Variants in NXN observed in about 807,000 individuals in gnomAD.
NXN encodes the protein nucleoredoxin, also known as nucleoredoxin 1.
NXN carries 16 observed loss-of-function variants against 48.6 expected under a neutral mutation model. That is an observed-to-expected ratio of 0.33 (90% CI 0.22 to 0.50). The LOEUF (loss-of-function observed/expected upper bound fraction) is 0.50, where lower values mean the gene tolerates loss of function less well. Ranked by LOEUF, NXN falls within the 20% of genes least tolerant of loss-of-function variation. NXN has a pLI of 0.98. For missense variants in NXN, 492 were observed against 605.5 expected (o/e 0.81, Z 1.97); for synonymous variants, 281 against 269.6 (o/e 1.04, Z -0.41).
intron 1 of NXN, among the ~76,000 whole-genome samples, chr17:948,512 G>C (rs1246980816): frequency 6.6e-6 from 1 of 152,080 alleles, no homozygotes; most frequent in Non-Finnish European, 1.5e-5. Flanking sequence ...GGCACTGAGG[G>C]ACGGCTGTGG....
Position 974,332 on chromosome 17 carries a change from C to A in NXN, c.360+4987G>T, listed in dbSNP as rs991690965. ...CACCACTGCACTCCAGCCTGGGTGA[C>A]AGAGCGAGACTCCATCTCAAAAAAG... On this transcript the variant is annotated intron_variant, in intron 1 of 7. Transcript: ENST00000336868. Among the ~76,000 whole-genome samples the A allele has an allele frequency of 3.3e-5, 5 of 151,888 alleles. No individual in the cohort carries two copies. In the South Asian group the frequency reaches 6.2e-4, roughly 19 times the overall value.
intron 1 of NXN, among the ~76,000 whole-genome samples, chr17:837,597 G>A (rs917606545): frequency 2.6e-5 from 4 of 152,208 alleles, no homozygotes; most frequent in Admixed American, 6.5e-5. Flanking sequence ...GCTCCCCCTT[G>A]TTCCTGGGGG....
chr17:946,121 G>C (rs1257320557), intron 1 of NXN, among the ~76,000 whole-genome samples: 1 of 152,112 alleles, frequency 6.6e-6, no homozygotes, highest in African/African-American at 2.4e-5. Flanking sequence ...CTAGGCGCTT[G>C]AAAGTTCAGA....
chr17:811,498 A>T (rs1225981412), intron 5 of NXN, among the ~76,000 whole-genome samples: 1 of 143,298 alleles, frequency 7.0e-6, no homozygotes, highest in Non-Finnish European at 1.5e-5. Context: ...GGCTGCGTAA[A>T]GCCCCGGGGT....
chr17:967,481 G>C (rs181989701), intron 1 of NXN, among the ~76,000 whole-genome samples: 30 of 152,320 alleles, frequency 2.0e-4, no homozygotes, highest in Admixed American at 1.5e-3. Context: ...AGACCCTTCT[G>C]AACCCAGGAG....
At chr17:817,211 G>A (rs988831844) in intron 5 of NXN, among the ~76,000 whole-genome samples, 6 of 152,048 alleles carry the variant, frequency 3.9e-5, no homozygotes, top group Non-Finnish European at 5.9e-5. Context: ...CTCAGCTCCC[G>A]CTTAGCCCCA....
At chr17:871,675 G>T (rs1008193477) in intron 1 of NXN, among the ~76,000 whole-genome samples, 3 of 151,820 alleles carry the variant, frequency 2.0e-5, no homozygotes, top group Admixed American at 1.3e-4. Flanking sequence ...AAAGTGCTGG[G>T]TACAGGCATG....
At chr17:948,421 T>C (rs2069069978) in intron 1 of NXN, among the ~76,000 whole-genome samples, 2 of 151,894 alleles carry the variant, frequency 1.3e-5, no homozygotes, top group Admixed American at 6.6e-5. Flanking sequence ...TATATGTAAA[T>C]GCTATTTTAT....
At chr17:947,595 T>G (rs2069057960) in intron 1 of NXN, among the ~76,000 whole-genome samples, 1 of 150,202 alleles carries the variant, frequency 6.7e-6, no homozygotes. Context: ...TAGCCGGGAG[T>G]GGTGGCACGT....
intron 5 of NXN, among the ~76,000 whole-genome samples, chr17:810,969 T>G (rs926408442): frequency 6.6e-6 from 1 of 152,196 alleles, no homozygotes; most frequent in African/African-American, 2.4e-5. Flanking sequence ...CTCTTCTGGT[T>G]GAAACATGCA....
chr17:864,328 G>C (rs111726114), intron 1 of NXN, among the ~76,000 whole-genome samples: 1 of 152,180 alleles, frequency 6.6e-6, no homozygotes, highest in Non-Finnish European at 1.5e-5. Context: ...TCAAAACCAC[G>C]GTTCTTCAGA....
At position 841,516 on chromosome 17, in the gene NXN, CA is replaced by C. The variant is rs1567827726; in HGVS notation, c.361-15439del. 1.8e-4 allele frequency among the ~76,000 whole-genome samples: 24 copies of C among 132,156 alleles called. 1 individual carries two copies. In the East Asian group the frequency reaches 3.7e-3, roughly 21 times the overall value. The allele number at this position is 132,156 out of a possible 152,430, so 86.7% of individuals were successfully genotyped here. ...CCACGGCGCATCTCACACGGGCGAGCAGGTCCCCCCGACCATGGAGCATCTC... is the reference window on the plus strand; with the variant it reads ...CCACGGCGCATCTCACACGGGCGAGCGGTCCCCCCGACCATGGAGCATCTC... On this transcript the variant is annotated intron_variant, in intron 1 of 7. Transcript: ENST00000336868.
rs116450727 is a variant in NXN, at chr17:956,179, C to G, written c.360+23140G>C. Among the ~76,000 whole-genome samples, 952 of 152,270 alleles carry G rather than the reference C, an allele frequency of 6.3e-3. 5 individuals are homozygous for G. Among genetic ancestry groups the G allele is most frequent in the African/African-American group, 0.021 (887 of 41,566 alleles). ...GCTTGGAATTCCAAACCTCTTCCCA[C>G]CGGAATCCCGCCAAGCCTTCAACTC... On this transcript the variant is annotated intron_variant, in intron 1 of 7. Coordinates refer to ENST00000336868, the MANE Select transcript of NXN (RefSeq NM_022463.5). This position sits in a 1 kb window ranked among gnomAD's most constrained non-coding sequence, Gnocchi z 4.1.
At chr17:947,432 C>A (rs922106421) in intron 1 of NXN, among the ~76,000 whole-genome samples, 17 of 152,020 alleles carry the variant, frequency 1.1e-4, no homozygotes, top group African/African-American at 3.6e-4. Context: ...TCGACTAACC[C>A]CAAATCAAAA....
At chr17:812,598 C>T (rs948538385) in intron 5 of NXN, among the ~76,000 whole-genome samples, 2 of 151,132 alleles carry the variant, frequency 1.3e-5, no homozygotes, top group African/African-American at 2.5e-5. Flanking sequence ...TGTGATGGCG[C>T]GAGTGTGCAT....
At chr17:905,514 G>A (rs989530983) in intron 1 of NXN, among the ~76,000 whole-genome samples, 1 of 152,186 alleles carries the variant, frequency 6.6e-6, no homozygotes, top group African/African-American at 2.4e-5. Flanking sequence ...GCCCCAAAAT[G>A]GAGGGGTGCT....
chr17:831,750 T>C (rs1380807444), intron 1 of NXN, among the ~76,000 whole-genome samples: 2 of 151,868 alleles, frequency 1.3e-5, no homozygotes, highest in Admixed American at 6.6e-5. Flanking sequence ...TCCAAGCACC[T>C]TGGCCTCCCA....
Position 830,787 on chromosome 17 carries a change from G to C in NXN, c.361-4709C>G, listed in dbSNP as rs1913412366. ...AGGCCAAGGTGGGCAGATCATCTGA[G>C]GTCAGGAGTTCGACAACAGCCTGGC... is the stretch of plus-strand genomic sequence containing the variant. On this transcript the variant is annotated intron_variant, in intron 1 of 7. Coordinates refer to ENST00000336868, the MANE Select transcript of NXN (RefSeq NM_022463.5). This position sits in a 1 kb window ranked among gnomAD's most constrained non-coding sequence, Gnocchi z 4.2. Among the ~76,000 whole-genome samples the C allele has an allele frequency of 6.6e-6, 1 of 152,134 alleles. No individual in the cohort carries two copies. Among genetic ancestry groups the C allele is most frequent in the Non-Finnish European group, 1.5e-5 (1 of 68,030 alleles).
intron 1 of NXN, among the ~76,000 whole-genome samples, chr17:860,287 C>CCTGCATAGTTTTGACTTTTGAACCTCG (rs1436430957): frequency 6.6e-6 from 1 of 152,082 alleles, no homozygotes; most frequent in Admixed American, 6.6e-5. Context: ...CCGCGCCCGG[C>CCTGCATAGTTTTGACTTTTGAACCTCG]TAATTTTTGT....
Sources: gnomAD v4.1 joint callset for allele counts (sites outside exome capture counted in the v4.1 genomes callset) on GRCh38, gnomAD v4.1.1 for gene constraint, Gnocchi (gnomAD v3.1) non-coding constraint, MANE v1.5 for transcripts, NCBI Gene and HGNC (gene_info 2026-07-23, HGNC 2026-07-21) for gene names.